The following ANKRD7 variants were observed in gnomAD, a reference collection of about 807,000 sequenced individuals.
ANKRD7 encodes ankyrin repeat domain 7.
ANKRD7 carries 30 observed loss-of-function variants against 30.8 expected under a neutral mutation model. The ratio of observed to expected loss-of-function variants is 0.97; its 90% CI spans 0.73 to 1.32. The LOEUF is 1.32. ANKRD7 is among the 40% of genes most tolerant of loss of function. The probability of loss-of-function intolerance (pLI) is 0.00; values close to 1 mark genes in which losing one functional copy is unlikely to be tolerated. For synonymous variants in ANKRD7, 97 were observed against 106.6 expected (o/e 0.91, Z 0.55); for missense variants, 264 against 295.7 (o/e 0.89, Z 0.79).
chr7:118,236,643 G>A (rs941478489), intron 4 of ANKRD7, 147 bp from the exon 5 acceptor site: 1 of 795,450 alleles, frequency 1.3e-6, no homozygotes, highest in South Asian at 1.9e-5. Context: ...ACTTTTTTGA[G>A]CAGATCTGCT....
At chr7:118,241,010 C>T (rs530503212) in intron 6 of ANKRD7, among the ~76,000 whole-genome samples, 20 of 149,376 alleles carry the variant, frequency 1.3e-4, no homozygotes, top group East Asian at 9.8e-4. Flanking sequence ...AAAAATTAGC[C>T]GGGCGCGGTG....
At chr7:118,228,129 A>G in intron 1 of ANKRD7, 1 of 1,108,802 alleles carries the variant, frequency 9.0e-7, no homozygotes, top group Non-Finnish European at 1.2e-6. Flanking sequence ...GCCATCTGGC[A>G]TTTCTCCTAA....
chr7:118,236,810 T>C lies in ANKRD7; in HGVS notation c.596T>C (p.Val199Ala). ...TCCAGAACAGCCCTTATTCTTGCTGTCAGTGGTGAACCACCATGTTTAGTA... is the reference window on the plus strand; with the variant it reads ...TCCAGAACAGCCCTTATTCTTGCTGCCAGTGGTGAACCACCATGTTTAGTA... ...NYQRTALILA[V>A]SGEPPCLVKL... The change falls in exon 5 of 7, where the codon GTC (valine) becomes GCC (alanine). Residue 199 changes from valine to alanine, a missense_variant. Val to Ala is a moderately conservative substitution (Grantham distance 64, BLOSUM62 0). Coordinates refer to ENST00000265224, the MANE Select transcript of ANKRD7 (RefSeq NM_019644.4). 6.2e-7 allele frequency: 1 copy of C among 1,613,904 alleles called. No homozygotes were observed. The highest frequency in any genetic ancestry group is 1.1e-5 in the South Asian group (1 of 91,022).
chr7:118,234,804 T>C lies in ANKRD7; in HGVS notation c.398T>C (p.Val133Ala). The C allele has an allele frequency of 6.2e-7, 1 of 1,612,572 alleles. No homozygotes were observed. The highest frequency in any genetic ancestry group is 8.5e-7 in the Non-Finnish European group (1 of 1,179,592). ...IRYNTVLHYAVCGQSLSLVEK... is the reference protein window; with the variant it reads ...IRYNTVLHYAACGQSLSLVEK... ...TATAATACTGTTCTTCACTATGCTGTTTGTGGTCAAAGTTTGTCATTAGTT... is the reference window on the plus strand; with the variant it reads ...TATAATACTGTTCTTCACTATGCTGCTTGTGGTCAAAGTTTGTCATTAGTT... Residue 133 changes from valine to alanine, a missense_variant, in exon 3 of 7, where the codon GTT (valine) becomes GCT (alanine). Transcript: ENST00000265224.
At chr7:118,241,802 G>T (rs534917264) in intron 6 of ANKRD7, among the ~76,000 whole-genome samples, 2 of 151,978 alleles carry the variant, frequency 1.3e-5, no homozygotes, top group Non-Finnish European at 1.5e-5. Flanking sequence ...GCCTCCCAAA[G>T]TGCTATAATT....
At chr7:118,227,753 A>G (rs1158742531) in intron 1 of ANKRD7, among the ~76,000 whole-genome samples, 4 of 152,220 alleles carry the variant, frequency 2.6e-5, no homozygotes, top group East Asian at 1.9e-4. Flanking sequence ...CATTAGTAAC[A>G]GTAAATATGT....
intron 1 of ANKRD7, among the ~76,000 whole-genome samples, chr7:118,226,298 T>C (rs1273962238): frequency 6.6e-6 from 1 of 152,188 alleles, no homozygotes; most frequent in Non-Finnish European, 1.5e-5. Flanking sequence ...TAATCTAAAG[T>C]GAGTTTCTCA....
At chr7:118,232,051 T>C (rs950628349) in intron 1 of ANKRD7, among the ~76,000 whole-genome samples, 6 of 152,152 alleles carry the variant, frequency 3.9e-5, no homozygotes, top group South Asian at 2.1e-4. Context: ...AAATATACTT[T>C]TTGCATTCAA....
chr7:118,234,173 TA>T (rs1172720311), intron 1 of ANKRD7, among the ~76,000 whole-genome samples: 13 of 152,180 alleles, frequency 8.5e-5, no homozygotes, highest in Non-Finnish European at 1.8e-4. Context: ...TGGTATTTTT[TA>T]AAAAATCTAT....
intron 1 of ANKRD7, among the ~76,000 whole-genome samples, chr7:118,227,769 C>T (rs141132938): frequency 0.018 from 2,795 of 152,232 alleles, 43 homozygotes; most frequent in East Asian, 0.077. Context: ...TATGTACTAT[C>T]AGTGGCTGCC....
At chr7:118,227,375 C>T (rs569988263) in intron 1 of ANKRD7, among the ~76,000 whole-genome samples, 3 of 152,260 alleles carry the variant, frequency 2.0e-5, no homozygotes, top group African/African-American at 7.2e-5. Context: ...GGTAGTGGGT[C>T]TCTTTCTTAT....
In ANKRD7 at chr7:118,234,433, C is replaced by T. The variant is rs1363371526; in HGVS notation, c.182C>T (p.Thr61Ile). 9.5e-6 allele frequency: 15 copies of T among 1,573,018 alleles called. No individual in the cohort carries two copies. The highest frequency in any genetic ancestry group is 1.3e-5 in the Non-Finnish European group (15 of 1,162,294). The change falls in exon 2 of 7, where the codon ACA becomes ATA. Residue 61 changes from threonine to isoleucine, a missense_variant and splice_region_variant. Coordinates refer to ENST00000265224, the MANE Select transcript of ANKRD7 (RefSeq NM_019644.4). ...TGTGTTTTGTTTTATTGACATAGAA[C>T]ACCTTTGCACCTAGCCTGTGCTAAT... ...DVNMQDKKYR[T>I]PLHLACANGH... is the part of the protein sequence containing the mutation.
At position 118,234,743 on chromosome 7, in the gene ANKRD7, A is replaced by C; in HGVS notation, c.337A>C (p.Asn113His). ...QNEDCATILLNFGADPDLRDI... is the reference protein window; with the variant it reads ...QNEDCATILLHFGADPDLRDI... ...TGAGGATTGTGCTACTATTCTTCTAAACTTTGGTGCAGACCCAGATCTGAG... is the reference window on the plus strand; with the variant it reads ...TGAGGATTGTGCTACTATTCTTCTACACTTTGGTGCAGACCCAGATCTGAG... Residue 113 changes from asparagine to histidine, a missense_variant, in exon 3 of 7, where the codon AAC (asparagine) becomes CAC (histidine). Transcript: ENST00000265224. 6.2e-7 allele frequency: 1 copy of C among 1,612,314 alleles called. No individual in the cohort carries two copies. The highest frequency in any genetic ancestry group is 8.5e-7 in the Non-Finnish European group (1 of 1,179,550).
At chr7:118,225,311 A>T (rs1809522199) in intron 1 of ANKRD7, among the ~76,000 whole-genome samples, 1 of 151,672 alleles carries the variant, frequency 6.6e-6, no homozygotes, top group South Asian at 2.1e-4. Flanking sequence ...ACATGGCGAA[A>T]CCCCGTCTCT....
Position 118,236,055 on chromosome 7 carries a change from A to T in ANKRD7, c.483A>T (p.Pro161=). The stretch of plus-strand genomic sequence containing the variant: ...ATTTTTTTCAGGATGGGTATACTCC[A>T]CTATTAGTTGCCGTTATTAACAATA... ...LEAKNKDGYT[P]LLVAVINNNP... is the part of the protein sequence containing the mutation. Residue 161 remains proline, a synonymous_variant, in exon 4 of 7, where the codon CCA becomes CCT. Coordinates refer to ENST00000265224, the MANE Select transcript of ANKRD7 (RefSeq NM_019644.4). 6.3e-7 allele frequency: 1 copy of T among 1,583,290 alleles called. No individual in the cohort carries two copies. The highest frequency in any genetic ancestry group is 8.7e-7 in the Non-Finnish European group (1 of 1,155,010).
At chr7:118,227,538 G>A (rs189343547) in intron 1 of ANKRD7, among the ~76,000 whole-genome samples, 224 of 152,282 alleles carry the variant, frequency 1.5e-3, no homozygotes, top group African/African-American at 5.3e-3. Context: ...TCCTTACGCT[G>A]TTGCTGAATT....
chr7:118,228,036 A>G lies in ANKRD7; in HGVS notation c.179+3027A>G, dbSNP rs1384726523. The G allele has an allele frequency of 2.3e-6, 3 of 1,299,022 alleles. No individual in the cohort carries two copies. In the Admixed American group the frequency reaches 7.2e-5, roughly 31 times the overall value. 80.5% of individuals were successfully genotyped at this position (1,299,022 alleles called of 1,614,324 possible). On this transcript the variant is annotated intron_variant, in intron 1 of 6. Coordinates refer to ENST00000265224, the MANE Select transcript of ANKRD7 (RefSeq NM_019644.4). ...TGACTTCATTCAGGGGTCAGTTTTT[A>G]GTCTTACCTTGCTGGCCTGTCAGCA...
In ANKRD7 at chr7:118,236,945, C is replaced by A; in HGVS notation, c.712+19C>A. The A allele has an allele frequency of 6.2e-7, 1 of 1,611,368 alleles. No homozygotes were observed. On this transcript the variant is annotated intron_variant, in intron 5 of 6. Coordinates refer to ENST00000265224, the MANE Select transcript of ANKRD7 (RefSeq NM_019644.4). ...TTACTGCGTAAGTGATACTGCATGT[C>A]TTTTAACAACTGTATGGGGTTTGAT...
intron 3 of ANKRD7, among the ~76,000 whole-genome samples, chr7:118,235,733 A>G (rs1390231264): frequency 6.6e-6 from 1 of 152,076 alleles, no homozygotes; most frequent in African/African-American, 2.4e-5. Flanking sequence ...TGACAATATT[A>G]TGAAATGTGA....
Sources: allele counts gnomAD v4.1 joint callset (sites outside exome capture counted in the v4.1 genomes callset), GRCh38; gene constraint gnomAD v4.1.1; transcripts MANE v1.5; gene names NCBI Gene and HGNC (gene_info 2026-07-23, HGNC 2026-07-21).